The following COL4A5 variants were observed in gnomAD, a reference collection of about 807,000 sequenced individuals.
COL4A5 encodes collagen alpha-5(IV) chain.
COL4A5 carries 26 observed loss-of-function variants against 130.2 expected under a neutral mutation model. That is an observed-to-expected ratio of 0.20 (90% confidence interval 0.15 to 0.28). COL4A5 has a LOEUF of 0.28. Among genes scored for constraint, COL4A5 ranks in the 10% least tolerant of loss-of-function variants. The pLI is 1.00. For missense variants in COL4A5, 1,131 were observed against 1,344.3 expected, an observed-to-expected ratio of 0.84 and a Z score of 2.48; for synonymous variants, 496 against 439.6, an observed-to-expected ratio of 1.13 and a Z score of -1.60.
In COL4A5 at chrX:108,620,265, A is replaced by G. The variant is rs1272041306; in HGVS notation, c.2516A>G (p.His839Arg). 2.5e-6 allele frequency: 3 copies of G among 1,203,828 alleles called. No homozygotes were observed. The highest frequency in any genetic ancestry group is 1.8e-5 in the African/African-American group (1 of 56,909). Residue 839 changes from histidine (H) to arginine (R), a missense_variant, in exon 31 of 53, where the codon CAT (histidine) becomes CGT (arginine). By Grantham distance (29) the His-to-Arg change is conservative (BLOSUM62 0). Coordinates refer to ENST00000328300, the MANE Select transcript of COL4A5 (RefSeq NM_033380.3). Reference protein sequence around the residue: ...IPGPIGQPGLHGIPGEKGDPG... With the variant: ...IPGPIGQPGLRGIPGEKGDPG... ...TTGATATTGTATTAACTAGGTTTAC[A>G]TGGAATACCAGGAGAGAAGGGGGAT...
chrX:108,518,977 A>G (rs898912124), intron 1 of COL4A5, among the ~76,000 whole-genome samples: 1 of 111,957 alleles, frequency 8.9e-6, no homozygotes, highest in Admixed American at 9.5e-5. Context: ...TGGAAAAGTC[A>G]AGAAAACGAT....
chrX:108,540,454 T>C (rs1299945594), intron 2 of COL4A5, among the ~76,000 whole-genome samples: 1 of 111,701 alleles, frequency 9.0e-6, no homozygotes, highest in Non-Finnish European at 1.9e-5. Flanking sequence ...TCTTTTTTTT[T>C]GTTTTTTCGT....
rs773694445 is a variant in COL4A5 at position 108,580,784 on chromosome X, G to A, written c.891+46G>A. The A allele has an allele frequency of 3.3e-5, 34 of 1,024,303 alleles. No homozygotes were observed. In the East Asian group the frequency reaches 8.9e-4, roughly 27 times the overall value. The allele number at this position is 1,024,303 out of a possible 1,213,427, so 84.4% of individuals were successfully genotyped here. A position where few individuals can be genotyped will look rare whatever the true frequency, so the allele number is the denominator to read the frequency against. On this transcript the variant is annotated intron_variant, in intron 15 of 52. Coordinates refer to ENST00000328300, the MANE Select transcript of COL4A5 (RefSeq NM_033380.3). ...TATTCTTTGCAAAAAAATTCTAAAT[G>A]TGTGTGTGTGTGATTTTATTCTTTC...
At chrX:108,596,431 G>T (rs1366515025) in intron 22 of COL4A5, among the ~76,000 whole-genome samples, 1 of 112,122 alleles carries the variant, frequency 8.9e-6, no homozygotes, top group Non-Finnish European at 1.9e-5. Flanking sequence ...GAAGGCTCAA[G>T]AATTAGCATT....
chrX:108,513,057 A>G (rs1342247841), intron 1 of COL4A5, among the ~76,000 whole-genome samples: 4 of 111,864 alleles, frequency 3.6e-5, no homozygotes, highest in Non-Finnish European at 7.5e-5. Flanking sequence ...TAGTTTCTGT[A>G]TATTGTGAAT....
chrX:108,476,905 C>A (rs2064838746), intron 1 of COL4A5, among the ~76,000 whole-genome samples: 1 of 111,678 alleles, frequency 9.0e-6, no homozygotes, highest in Admixed American at 9.5e-5. Context: ...GTGAAGATAT[C>A]TCTTTGATCT....
chrX:108,681,269 A>G, intron 46 of COL4A5, among the ~76,000 whole-genome samples: 1 of 111,361 alleles, frequency 9.0e-6, no homozygotes, highest in Middle Eastern at 4.6e-3. Flanking sequence ...TGAATTTTTT[A>G]TAATATTTTC....
intron 1 of COL4A5, among the ~76,000 whole-genome samples, chrX:108,507,262 GA>G (rs765631228): frequency 0.011 from 787 of 71,638 alleles, 4 homozygotes; most frequent in East Asian, 0.048. Context: ...AAAAAAAAAA[GA>G]AAAAAAAAAA....
chrX:108,549,545 A>G (rs966345446), intron 2 of COL4A5, among the ~76,000 whole-genome samples: 22 of 112,055 alleles, frequency 2.0e-4, no homozygotes, highest in African/African-American at 7.1e-4. Flanking sequence ...GATTTTAGTT[A>G]CATATTGTTG....
rs1366930155 is a variant in COL4A5, at chrX:108,687,711, C to T, written c.4528+17C>T. ...AAGACTTGGGTGAGATAATCAATAT[C>T]TAATTTCCTACTGTGCCTTTTGTTT... On this transcript the variant is annotated intron_variant, in intron 49 of 52. Coordinates refer to ENST00000328300, the MANE Select transcript of COL4A5 (RefSeq NM_033380.3). 21 of 1,186,489 alleles carry T rather than the reference C, an allele frequency of 1.8e-5. No homozygotes were observed. Among genetic ancestry groups the T allele is most frequent in the Non-Finnish European group, 2.4e-5 (21 of 873,632 alleles).
In COL4A5 at chrX:108,614,944, T is replaced by A; in HGVS notation, c.2429T>A (p.Met810Lys). Residue 810 changes from methionine to lysine, a missense_variant, in exon 30 of 53, where the codon ATG becomes AAG. By Grantham distance (95) the Met-to-Lys change is moderately conservative (BLOSUM62 -1). Transcript: ENST00000328300. ...DVGPNGQPGP[M>K]GPPGLPGIGV... ...GGACCAAATGGACAACCTGGACCAA[T>A]GGGACCTCCTGGGCTGCCAGGAATA... is the stretch of plus-strand genomic sequence containing the variant. 1 of 1,210,900 alleles carries A rather than the reference T, an allele frequency of 8.3e-7. No homozygotes were observed. Among genetic ancestry groups the A allele is most frequent in the Non-Finnish European group, 1.1e-6 (1 of 894,660 alleles).
chrX:108,446,205 A>C (rs757479243), intron 1 of COL4A5, among the ~76,000 whole-genome samples: 13 of 112,039 alleles, frequency 1.2e-4, no homozygotes, highest in Non-Finnish European at 1.9e-4. Context: ...TTCTACATAT[A>C]GTTTTATTTC....
chrX:108,667,318 A>C lies in COL4A5; in HGVS notation c.3604+135A>C, dbSNP rs1010346437. On this transcript the variant is annotated intron_variant, in intron 40 of 52. Coordinates refer to ENST00000328300, the MANE Select transcript of COL4A5 (RefSeq NM_033380.3). ...CCCAGAAAACTCAAACCTAGTGTTA[A>C]CGTTAAAACATTTATTATTTAGCAA... The C allele has an allele frequency of 1.6e-4, 84 of 537,106 alleles. No homozygotes were observed. In the African/African-American group the frequency reaches 1.8e-3, roughly 12 times the overall value. The allele number at this position is 537,106 out of a possible 1,213,427, so 44.3% of individuals were successfully genotyped here. A position where few individuals can be genotyped will look rare whatever the true frequency, so the allele number is the denominator to read the frequency against.
chrX:108,627,734 C>T (rs2067179794), intron 36 of COL4A5: 1 of 199,784 alleles, frequency 5.0e-6, no homozygotes, highest in Non-Finnish European at 7.4e-6. Context: ...GTTTGCAAAC[C>T]CCAAATCCCC....
At chrX:108,635,765 G>A (rs896426102) in intron 36 of COL4A5, among the ~76,000 whole-genome samples, 27 of 112,233 alleles carry the variant, frequency 2.4e-4, no homozygotes, top group Admixed American at 2.0e-3. Flanking sequence ...GATTTTCAAC[G>A]TAGGTACCAA....
At chrX:108,663,215 A>G (rs1693757802) in intron 37 of COL4A5, among the ~76,000 whole-genome samples, 1 of 112,035 alleles carries the variant, frequency 8.9e-6, no homozygotes, top group Admixed American at 9.5e-5. Flanking sequence ...GTCTTTGAAT[A>G]GTTGCTTTTT....
intron 1 of COL4A5, among the ~76,000 whole-genome samples, chrX:108,455,098 C>T (rs187687164): frequency 8.9e-6 from 1 of 111,767 alleles, no homozygotes; most frequent in East Asian, 2.8e-4. Flanking sequence ...TCCCTTCCTA[C>T]CCCCATCCTC....
At chrX:108,576,152 C>T (rs2066146712) in intron 10 of COL4A5, among the ~76,000 whole-genome samples, 180 bp downstream of exon 10, 2 of 111,105 alleles carry the variant, frequency 1.8e-5, no homozygotes, top group Admixed American at 1.9e-4. Flanking sequence ...TAAGTAATGG[C>T]TCCATTTTAT....
At chrX:108,526,720 TC>T (rs1292840682) in intron 1 of COL4A5, among the ~76,000 whole-genome samples, 6 of 82,593 alleles carry the variant, frequency 7.3e-5, no homozygotes, top group Non-Finnish European at 1.5e-4. Context: ...TTTCTTTCTT[TC>T]TTTCTTCCTC....
Sources: gnomAD v4.1 joint callset for allele counts (sites outside exome capture counted in the v4.1 genomes callset) on GRCh38, gnomAD v4.1.1 for gene constraint, MANE v1.5 for transcripts, NCBI Gene and HGNC (gene_info 2026-07-23, HGNC 2026-07-21) for gene names.